TMPRSS3: variants seen among roughly 807,000 people sequenced by gnomAD.
TMPRSS3 encodes transmembrane serine protease 3.
A neutral mutation model predicts 59.6 loss-of-function variants in TMPRSS3; 55 were observed. The ratio of observed to expected loss-of-function variants is 0.92; its 90% confidence interval spans 0.74 to 1.16. The LOEUF (loss-of-function observed/expected upper bound fraction) is 1.16, where lower values mean the gene tolerates loss of function less well. TMPRSS3 is among the 50% of genes most tolerant of loss of function. TMPRSS3 has a pLI of 0.00. For synonymous variants in TMPRSS3, 257 were observed against 237.7 expected (o/e 1.08, Z -0.75); for missense variants, 596 against 579.4 (o/e 1.03, Z -0.29).
intron 2 of TMPRSS3, among the ~76,000 whole-genome samples, chr21:42,392,016 G>T (rs1183788067): frequency 6.6e-6 from 1 of 152,138 alleles, no homozygotes; most frequent in African/African-American, 2.4e-5. Context: ...AAAAATACAT[G>T]AATGCCCAAG....
intron 8 of TMPRSS3, chr21:42,382,649 C>G: frequency 2.5e-6 from 1 of 399,742 alleles, no homozygotes; most frequent in South Asian, 2.4e-5. Context: ...GACCCAGTAC[C>G]TGGCCCCCAA....
chr21:42,374,796 T>C, intron 12 of TMPRSS3, among the ~76,000 whole-genome samples: 1 of 152,186 alleles, frequency 6.6e-6, no homozygotes, highest in Non-Finnish European at 1.5e-5. Flanking sequence ...TGTTAGTTCT[T>C]GGAAACTACG....
rs369904070 is a variant in TMPRSS3, at chr21:42,384,030, G to T, written c.573-17C>A. On this transcript the variant is annotated splice_polypyrimidine_tract_variant and intron_variant, in intron 6 of 12. Coordinates refer to ENST00000644384, the MANE Select transcript of TMPRSS3 (RefSeq NM_001256317.3). The stretch of plus-strand genomic sequence containing the variant: ...CATCCCTCCCTAAAGCGGAGAAAAA[G>T]TAGGCTCTGTGAAAAATGCCCCAGA... 24 of 1,613,494 alleles carry T rather than the reference G, an allele frequency of 1.5e-5. No individual in the cohort carries two copies. In the African/African-American group the frequency reaches 3.1e-4, roughly 21 times the overall value.
Position 42,385,611 on chromosome 21 carries a change from A to G in TMPRSS3, c.447-77T>C, listed in dbSNP as rs2052622704. Reference sequence around the variant, plus strand: ...GCATTCAACCGATGTGCGAGTCACAATATTACAGGGATTGTACATGGGGGA... The same window carrying G: ...GCATTCAACCGATGTGCGAGTCACAGTATTACAGGGATTGTACATGGGGGA... On this transcript the variant is annotated intron_variant, in intron 5 of 12. Coordinates refer to ENST00000644384, the MANE Select transcript of TMPRSS3 (RefSeq NM_001256317.3). 5 of 1,567,448 alleles carry G rather than the reference A, an allele frequency of 3.2e-6. No individual in the cohort carries two copies. In the South Asian group the frequency reaches 3.3e-5, roughly 10 times the overall value.
chr21:42,380,188 G>A lies in TMPRSS3; in HGVS notation c.977C>T (p.Pro326Leu). ...ATCGGGGAAGTTCTCTTCAGAGTTGGGCAGGCACACAGGCTGGATCATTTC... is the reference window on the plus strand; with the variant it reads ...ATCGGGGAAGTTCTCTTCAGAGTTGAGCAGGCACACAGGCTGGATCATTTC... ...FNEMIQPVCL[P>L]NSEENFPDGK... The change falls in exon 10 of 13, where the codon CCC (proline) becomes CTC (leucine). Residue 326 changes from proline to leucine, a missense_variant. Transcript: ENST00000644384. 1 of 1,614,070 alleles carries A rather than the reference G, an allele frequency of 6.2e-7. No individual in the cohort carries two copies. Among genetic ancestry groups the A allele is most frequent in the Non-Finnish European group, 8.5e-7 (1 of 1,179,988 alleles).
chr21:42,377,926 G>C (rs908345858), intron 10 of TMPRSS3, among the ~76,000 whole-genome samples: 1 of 152,248 alleles, frequency 6.6e-6, no homozygotes, highest in Admixed American at 6.5e-5. Flanking sequence ...AATCGGCAGC[G>C]GGATGGAGAA....
chr21:42,384,031 T>C lies in TMPRSS3; in HGVS notation c.573-18A>G. On this transcript the variant is annotated intron_variant, in intron 6 of 12. Coordinates refer to ENST00000644384, the MANE Select transcript of TMPRSS3 (RefSeq NM_001256317.3). Reference sequence around the variant, plus strand: ...ATCCCTCCCTAAAGCGGAGAAAAAGTAGGCTCTGTGAAAAATGCCCCAGAT... The same window carrying C: ...ATCCCTCCCTAAAGCGGAGAAAAAGCAGGCTCTGTGAAAAATGCCCCAGAT... The C allele has an allele frequency of 6.2e-7, 1 of 1,613,578 alleles. No individual in the cohort carries two copies. The highest frequency in any genetic ancestry group is 8.5e-7 in the Non-Finnish European group (1 of 1,179,798).
intron 5 of TMPRSS3, among the ~76,000 whole-genome samples, chr21:42,386,570 G>A (rs1401757895): frequency 6.6e-6 from 1 of 152,230 alleles, no homozygotes; most frequent in African/African-American, 2.4e-5. Flanking sequence ...AACAATGACA[G>A]CCACAACCAC....
chr21:42,385,343 A>G (rs889387174), intron 6 of TMPRSS3, 66 bp downstream of exon 6: 3 of 1,602,522 alleles, frequency 1.9e-6, no homozygotes, highest in Non-Finnish European at 2.6e-6. Context: ...GGAGTTGTGC[A>G]TAGCATCACA....
chr21:42,387,737 A>T (rs2052659388), intron 5 of TMPRSS3, among the ~76,000 whole-genome samples: 1 of 152,138 alleles, frequency 6.6e-6, no homozygotes, highest in Non-Finnish European at 1.5e-5. Flanking sequence ...AAAGGGGAGT[A>T]AGGAGGCTGC....
chr21:42,384,096 A>G, intron 6 of TMPRSS3, 83 bp from the exon 7 acceptor site: 1 of 1,347,880 alleles, frequency 7.4e-7, no homozygotes, highest in Non-Finnish European at 1.1e-6. Context: ...TCTTAGGGTA[A>G]CAGAAAAATA....
In TMPRSS3 at chr21:42,372,734, C is replaced by T. The variant is rs747907091; in HGVS notation, c.*28G>A. 9 of 1,613,836 alleles carry T rather than the reference C, an allele frequency of 5.6e-6. No individual in the cohort carries two copies. Among genetic ancestry groups the T allele is most frequent in the Non-Finnish European group, 7.6e-6 (9 of 1,179,770 alleles). ...CGGGCTGTCTTCATCACCTCAGGAA[C>T]TCAGGTGGCTACTTGTCCCCTTCCT... On this transcript the variant is annotated 3_prime_UTR_variant, in exon 13 of 13. Coordinates refer to ENST00000644384, the MANE Select transcript of TMPRSS3 (RefSeq NM_001256317.3).
chr21:42,384,156 CAA>C (rs10670677), intron 6 of TMPRSS3, 143 bp from the exon 7 acceptor site: 679 of 560,042 alleles, frequency 1.2e-3, no homozygotes, highest in Middle Eastern at 1.9e-3. Flanking sequence ...AGTCTATGTT[CAA>C]AAAAAAAAAA....
chr21:42,382,396 CA>C, intron 8 of TMPRSS3, 162 bp from the exon 9 acceptor site: 1 of 685,910 alleles, frequency 1.5e-6, no homozygotes, highest in South Asian at 1.6e-5. Flanking sequence ...ACTGCACTGC[CA>C]CGCCCTACAG....
chr21:42,387,121 C>T (rs1207662289), intron 5 of TMPRSS3, among the ~76,000 whole-genome samples: 1 of 151,942 alleles, frequency 6.6e-6, no homozygotes, highest in African/African-American at 2.4e-5. Flanking sequence ...CTACCTGATG[C>T]CTGGGACAGC....
rs981992532 is a variant in TMPRSS3 at position 42,388,043 on chromosome 21, A to G, written c.446+360T>C. On this transcript the variant is annotated intron_variant, in intron 5 of 12. Coordinates refer to ENST00000644384, the MANE Select transcript of TMPRSS3 (RefSeq NM_001256317.3). The surrounding 1 kb of genome is among the most constrained non-coding windows in gnomAD (Gnocchi z 5.1). ...GATGTGACCGCCAGGACCAAGCAGG[A>G]AAGTGTCCAGGAAGCTACTCTAGGA... Among the ~76,000 whole-genome samples, 4 of 152,218 alleles carry G rather than the reference A, an allele frequency of 2.6e-5. No individual in the cohort carries two copies. The highest frequency in any genetic ancestry group is 5.9e-5 in the Non-Finnish European group (4 of 68,046).
rs763632841 is a variant in TMPRSS3 at position 42,383,885 on chromosome 21, T to TG, written c.616+84dup. The TG allele has an allele frequency of 1.1e-4, 153 of 1,427,856 alleles. No homozygotes were observed. The African/African-American group carries it at 2.0e-3, about 19-fold the overall frequency. 88.4% of individuals were successfully genotyped at this position (1,427,856 alleles called of 1,614,324 possible). On this transcript the variant is annotated intron_variant, in intron 7 of 12. Transcript: ENST00000644384. The stretch of plus-strand genomic sequence containing the variant: ...CAGGAGGAAGGGATACAGAGCCCCA[T>TG]GGGGGGAGAGGACTCTGAGGGCAAG...
In TMPRSS3 at chr21:42,375,854, C is replaced by T. The variant is rs1472307743; in HGVS notation, c.1206G>A (p.Gly402=). The change falls in exon 12 of 13, where the codon GGG becomes GGA. Residue 402 remains glycine, a synonymous_variant. Transcript: ENST00000644384. ...GCCTCCTCTCTTGACACACCAGGGGCCCCCCGCTGTCCCCCTGGGTGACAG... is the reference window on the plus strand; with the variant it reads ...GCCTCCTCTCTTGACACACCAGGGGTCCCCCGCTGTCCCCCTGGGTGACAG... ...GVDSCQGDSG[G]PLVCQERRLW... is the part of the protein sequence containing the mutation. 3.7e-6 allele frequency: 6 copies of T among 1,613,610 alleles called. No individual in the cohort carries two copies. In the East Asian group the frequency reaches 1.1e-4, roughly 30 times the overall value.
At position 42,381,300 on chromosome 21, in the gene TMPRSS3, T is replaced by C. The variant is rs2052524360; in HGVS notation, c.952+765A>G. Among the ~76,000 whole-genome samples, 3 of 152,200 alleles carry C rather than the reference T, an allele frequency of 2.0e-5. No homozygotes were observed. In the South Asian group the frequency reaches 6.2e-4, roughly 32 times the overall value. ...TGACTTTTTCAAGAAACAGGGTCTT[T>C]AGGAGCTGCTGGTTGGGAGAGAACT... is the stretch of plus-strand genomic sequence containing the variant. On this transcript the variant is annotated intron_variant, in intron 9 of 12. Transcript: ENST00000644384.
Sources: allele counts gnomAD v4.1 joint callset (sites outside exome capture counted in the v4.1 genomes callset), GRCh38; gene constraint gnomAD v4.1.1; non-coding constraint Gnocchi (gnomAD v3.1); transcripts MANE v1.5; gene names NCBI Gene and HGNC (gene_info 2026-07-23, HGNC 2026-07-21).